KHDC1: variants seen among roughly 807,000 people sequenced by gnomAD.
KHDC1 encodes the protein KH homology domain-containing protein 1.
Under a neutral mutation model 24.7 loss-of-function variants are expected in KHDC1, and 21 were observed. The observed-to-expected ratio is 0.85, with a 90% CI of 0.60 to 1.23. The LOEUF (loss-of-function observed/expected upper bound fraction) is 1.23, where lower values mean the gene tolerates loss of function less well. Ranked by LOEUF, KHDC1 falls within the 50% of genes most tolerant of loss-of-function variation. The probability of loss-of-function intolerance (pLI) is 0.00; values close to 1 mark genes in which losing one functional copy is unlikely to be tolerated. For synonymous variants in KHDC1, 98 were observed against 111.7 expected (o/e 0.88, Z 0.77); for missense variants, 274 against 298.5 (o/e 0.92, Z 0.61).
intron 2 of KHDC1, among the ~76,000 whole-genome samples, chr6:73,277,357 C>A (rs62438237): frequency 3.3e-5 from 5 of 151,852 alleles, no homozygotes; most frequent in Non-Finnish European, 2.9e-5. Context: ...CCCAGCTACT[C>A]AGGAGGCTGA....
intron 2 of KHDC1, among the ~76,000 whole-genome samples, chr6:73,251,742 TTTAAA>T (rs1306299512): frequency 9.2e-5 from 14 of 152,090 alleles, no homozygotes; most frequent in Non-Finnish European, 1.5e-4. Context: ...ACAAAAATAA[TTTAAA>T]TTAAATCATA....
chr6:73,289,753 AG>A (rs1767603692), intron 2 of KHDC1, among the ~76,000 whole-genome samples: 1 of 152,108 alleles, frequency 6.6e-6, no homozygotes, highest in Non-Finnish European at 1.5e-5. Flanking sequence ...CAAGGTCAAG[AG>A]GGAAACCATC....
At chr6:73,294,691 G>A (rs182360864) in intron 1 of KHDC1, among the ~76,000 whole-genome samples, 223 of 152,280 alleles carry the variant, frequency 1.5e-3, no homozygotes, top group African/African-American at 5.1e-3. Flanking sequence ...TAAAGTAACT[G>A]ATATAGTTTG....
At chr6:73,272,722 G>A (rs2150616588) in intron 2 of KHDC1, among the ~76,000 whole-genome samples, 1 of 151,270 alleles carries the variant, frequency 6.6e-6, no homozygotes, top group South Asian at 2.1e-4. Flanking sequence ...GTTGCAGTGA[G>A]CCGAGATGGC....
intron 2 of KHDC1, among the ~76,000 whole-genome samples, chr6:73,245,803 A>G (rs1339711680): frequency 1.3e-5 from 2 of 152,172 alleles, no homozygotes; most frequent in African/African-American, 4.8e-5. Flanking sequence ...GGAATTCCTT[A>G]AGTCCAGAAT....
At chr6:73,248,629 C>A (rs957344698) in intron 2 of KHDC1, among the ~76,000 whole-genome samples, 1 of 152,152 alleles carries the variant, frequency 6.6e-6, no homozygotes, top group Non-Finnish European at 1.5e-5. Flanking sequence ...AACAAGATAT[C>A]CCAGCCCCTT....
Position 73,278,067 on chromosome 6 carries a change from G to A in KHDC1, c.206+13931C>T, listed in dbSNP as rs1482435585. ...TTGCTCTGTCACCCAGCTGGAGTGC[G>A]GTGGTGCGATCTCAGCTCACTGCGA... is the stretch of plus-strand genomic sequence containing the variant. On this transcript the variant is annotated intron_variant, in intron 2 of 4. Coordinates refer to ENST00000370384, the Ensembl canonical transcript of KHDC1. Among the ~76,000 whole-genome samples, 3 of 144,826 alleles carry A rather than the reference G, an allele frequency of 2.1e-5. 1 individual carries two copies. Among genetic ancestry groups the A allele is most frequent in the African/African-American group, 2.6e-5 (1 of 39,068 alleles).
At chr6:73,300,233 C>T (rs548403055) in intron 1 of KHDC1, 1 of 152,564 alleles carries the variant, frequency 6.6e-6, no homozygotes, top group South Asian at 2.1e-4. Context: ...ACCTTGGACT[C>T]CTCCTCCAGA....
intron 2 of KHDC1, among the ~76,000 whole-genome samples, chr6:73,271,999 C>CAA (rs1767187905): frequency 4.1e-5 from 6 of 145,646 alleles, no homozygotes; most frequent in African/African-American, 1.5e-4. Context: ...ATAGTGTAAT[C>CAA]CCATTTAAAA....
chr6:73,287,859 C>T (rs1307766665), intron 2 of KHDC1, among the ~76,000 whole-genome samples: 2 of 152,170 alleles, frequency 1.3e-5, no homozygotes, highest in Non-Finnish European at 2.9e-5. Flanking sequence ...ACCTAGTGAT[C>T]ATTTTCTCAG....
At chr6:73,246,965 TAA>T (rs1766679008) in intron 2 of KHDC1, among the ~76,000 whole-genome samples, 1 of 151,582 alleles carries the variant, frequency 6.6e-6, no homozygotes. Flanking sequence ...AAAAAAAAAA[TAA>T]GTCAACTTTT....
intron 2 of KHDC1, among the ~76,000 whole-genome samples, chr6:73,270,878 G>A (rs972879733): frequency 6.6e-6 from 1 of 151,916 alleles, no homozygotes; most frequent in African/African-American, 2.4e-5. Flanking sequence ...TTTTAGTAGA[G>A]ACGGGGTTTT....
chr6:73,262,877 A>G (rs922294073), intron 2 of KHDC1: 44 of 986,438 alleles, frequency 4.5e-5, no homozygotes, highest in Middle Eastern at 5.2e-4. Context: ...TTCAGGACTG[A>G]GCATCTCAGT....
At chr6:73,255,356 A>G (rs1408194678) in intron 2 of KHDC1, among the ~76,000 whole-genome samples, 2 of 150,404 alleles carry the variant, frequency 1.3e-5, no homozygotes, top group Admixed American at 1.3e-4. Flanking sequence ...AGTAGCTGGG[A>G]CTATGGGGCA....
chr6:73,242,498 G>A (rs1024166061), exon 3 of KHDC1: 1 of 1,614,066 alleles, frequency 6.2e-7, no homozygotes, highest in Non-Finnish European at 8.5e-7. Context: ...CTTGCTGAGA[G>A]CACTCGTTCC....
intron 2 of KHDC1, among the ~76,000 whole-genome samples, chr6:73,265,757 A>C (rs1209418505): frequency 1.3e-5 from 2 of 152,142 alleles, no homozygotes; most frequent in Non-Finnish European, 2.9e-5. Flanking sequence ...TTGGAAAATC[A>C]GTCTGAAATG....
chr6:73,262,316 A>T (rs1309652107), intron 2 of KHDC1, among the ~76,000 whole-genome samples: 1 of 152,158 alleles, frequency 6.6e-6, no homozygotes, highest in Non-Finnish European at 1.5e-5. Context: ...GTAAATGTTA[A>T]ACCTTTCCTG....
intron 3 of KHDC1, 61 bp from the exon 3 acceptor site, chr6:73,242,298 G>T (rs1025644539): frequency 1.1e-5 from 17 of 1,602,842 alleles, no homozygotes; most frequent in Non-Finnish European, 1.4e-5. Flanking sequence ...GAATGGGGAG[G>T]TGGCCTTCAG....
chr6:73,295,812 C>G (rs527428771), intron 1 of KHDC1, among the ~76,000 whole-genome samples: 59 of 148,588 alleles, frequency 4.0e-4, no homozygotes, highest in African/African-American at 1.4e-3. Context: ...TGCCACTGCA[C>G]TCCAGCCTGG....
Sources: allele counts gnomAD v4.1 joint callset (sites outside exome capture counted in the v4.1 genomes callset), GRCh38; gene constraint gnomAD v4.1.1; transcripts MANE v1.5; gene names NCBI Gene and HGNC (gene_info 2026-07-23, HGNC 2026-07-21).